The following SMAD1 variants were observed in gnomAD, a reference collection of about 807,000 sequenced individuals.
The protein encoded by SMAD1 is MAD, mothers against decapentaplegic homolog 1.
Under a neutral mutation model 41.6 loss-of-function variants are expected in SMAD1, and 6 were observed. The observed-to-expected ratio is 0.14, with a 90% confidence interval of 0.08 to 0.28. The LOEUF (loss-of-function observed/expected upper bound fraction) is 0.28, where lower values mean the gene tolerates loss of function less well. SMAD1 is among the 10% of genes least tolerant of loss of function. The pLI is 1.00. For synonymous variants in SMAD1, 206 were observed against 203.2 expected (o/e 1.01, Z -0.12); for missense variants, 379 against 582.6 (o/e 0.65, Z 3.60).
chr4:145,491,204 T>C (rs994642561), intron 1 of SMAD1, among the ~76,000 whole-genome samples: 1 of 152,200 alleles, frequency 6.6e-6, no homozygotes, highest in Admixed American at 6.5e-5. Flanking sequence ...GAAAGACTTA[T>C]ATCAATAGGA....
chr4:145,490,199 G>A (rs1390539891), intron 1 of SMAD1, among the ~76,000 whole-genome samples: 2 of 152,080 alleles, frequency 1.3e-5, no homozygotes, highest in African/African-American at 4.8e-5. Flanking sequence ...GCAATTGGAG[G>A]TGATGGAGTT....
rs534730208 is a variant in SMAD1, at chr4:145,491,825, G to A, written c.-177+9787G>A. Among the ~76,000 whole-genome samples the A allele has an allele frequency of 2.6e-5, 4 of 152,236 alleles. No individual in the cohort carries two copies. In the South Asian group the frequency reaches 8.3e-4, roughly 32 times the overall value. On this transcript the variant is annotated intron_variant, in intron 1 of 6. Transcript: ENST00000302085. ...CTTGAAGACACCAGTGCTTCCTAGAGCATATTGAAATAGGCCCCTTTCTCT... is the reference window on the plus strand; with the variant it reads ...CTTGAAGACACCAGTGCTTCCTAGAACATATTGAAATAGGCCCCTTTCTCT...
At chr4:145,542,475 G>C in intron 3 of SMAD1, 107 bp from the exon 4 acceptor site, 2 of 622,670 alleles carry the variant, frequency 3.2e-6, no homozygotes, top group Non-Finnish European at 2.7e-6. Context: ...TGGGGAGATT[G>C]AAATGACAAC....
chr4:145,498,126 A>G (rs1347933131), intron 1 of SMAD1: 5 of 152,250 alleles, frequency 3.3e-5, no homozygotes, highest in Non-Finnish European at 5.9e-5. Context: ...AACATAGAAC[A>G]TTTTTATTTT....
intron 1 of SMAD1, among the ~76,000 whole-genome samples, chr4:145,487,646 AAAAGG>A (rs1728546578): frequency 1.3e-5 from 2 of 152,210 alleles, no homozygotes; most frequent in Non-Finnish European, 2.9e-5. Flanking sequence ...CTTTAAAAAG[AAAAGG>A]AAAGAGAAGA....
intron 1 of SMAD1, among the ~76,000 whole-genome samples, chr4:145,500,621 T>G (rs1374415061): frequency 6.6e-6 from 1 of 152,116 alleles, no homozygotes; most frequent in Non-Finnish European, 1.5e-5. Flanking sequence ...GAAAAACTTT[T>G]TGTGTCTCTT....
intron 2 of SMAD1, among the ~76,000 whole-genome samples, chr4:145,527,872 T>C (rs1054386185): frequency 3.3e-5 from 5 of 151,870 alleles, no homozygotes; most frequent in Non-Finnish European, 5.9e-5. Context: ...AATTTTTTTT[T>C]TTTTTCGAGA....
chr4:145,514,915 A>G lies in SMAD1; in HGVS notation c.302A>G (p.His101Arg). 1.2e-6 allele frequency: 2 copies of G among 1,614,054 alleles called. No homozygotes were observed. Among genetic ancestry groups the G allele is most frequent in the Non-Finnish European group, 1.7e-6 (2 of 1,180,010 alleles). The stretch of plus-strand genomic sequence containing the variant: ...CGCTGGCCCGATCTTCAGAGCCACC[A>G]TGAACTAAAACCACTGGAATGCTGT... ...VWRWPDLQSH[H>R]ELKPLECCEF... The change falls in exon 2 of 7, where the codon CAT becomes CGT. Residue 101 changes from histidine to arginine, a missense_variant. By Grantham distance (29) the His-to-Arg change is conservative. Coordinates refer to ENST00000302085, the MANE Select transcript of SMAD1 (RefSeq NM_005900.3). The surrounding 1 kb of genome is among the most constrained non-coding windows in gnomAD (Gnocchi z 4.7).
At chr4:145,547,660 A>G (rs1388840355) in intron 5 of SMAD1, among the ~76,000 whole-genome samples, 1 of 152,240 alleles carries the variant, frequency 6.6e-6, no homozygotes, top group East Asian at 1.9e-4. Flanking sequence ...GATGAAGCAA[A>G]TGACTAAATG....
intron 4 of SMAD1, chr4:145,544,127 T>C (rs540792958): frequency 9.9e-5 from 15 of 152,006 alleles, no homozygotes; most frequent in South Asian, 4.2e-4. Context: ...GTAGGATGAA[T>C]GTCGGTTCAT....
chr4:145,507,874 T>C (rs1729875640), intron 1 of SMAD1, among the ~76,000 whole-genome samples: 1 of 152,116 alleles, frequency 6.6e-6, no homozygotes, highest in African/African-American at 2.4e-5. Context: ...CTCATTTGAG[T>C]TCCTTATATG....
Position 145,514,637 on chromosome 4 carries a change from C to A in SMAD1, c.24C>A (p.Ser8=). ...TTATGAATGTGACAAGTTTATTTTC[C>A]TTTACAAGTCCAGCTGTGAAGAGAC... MNVTSLF[S]FTSPAVKRLL... is the part of the protein sequence containing the mutation. The change falls in exon 2 of 7, where the codon TCC becomes TCA. Residue 8 remains serine, a synonymous_variant. Transcript: ENST00000302085. The surrounding 1 kb of genome is among the most constrained non-coding windows in gnomAD (Gnocchi z 4.7). 6.2e-7 allele frequency: 1 copy of A among 1,607,880 alleles called. No individual in the cohort carries two copies. The highest frequency in any genetic ancestry group is 8.5e-7 in the Non-Finnish European group (1 of 1,178,102).
At chr4:145,540,351 C>T (rs1428085674) in intron 3 of SMAD1, among the ~76,000 whole-genome samples, 1 of 152,234 alleles carries the variant, frequency 6.6e-6, no homozygotes, top group Non-Finnish European at 1.5e-5. Context: ...ATAATTGTTA[C>T]AGTCTTTACT....
At chr4:145,496,577 C>T (rs944219347) in intron 1 of SMAD1, among the ~76,000 whole-genome samples, 5 of 151,954 alleles carry the variant, frequency 3.3e-5, no homozygotes, top group East Asian at 1.9e-4. Context: ...TTTTTCTCAA[C>T]CAAAAGTGGA....
intron 1 of SMAD1, among the ~76,000 whole-genome samples, chr4:145,501,292 T>C (rs1034601003): frequency 6.6e-6 from 1 of 152,198 alleles, no homozygotes; most frequent in African/African-American, 2.4e-5. Context: ...TTTCAAGTGA[T>C]AAAAAGAAAT....
chr4:145,529,718 A>G (rs1731221001), intron 2 of SMAD1, among the ~76,000 whole-genome samples: 1 of 152,174 alleles, frequency 6.6e-6, no homozygotes, highest in Non-Finnish European at 1.5e-5. Flanking sequence ...AGTGAAAGGG[A>G]TGATCTCTAG....
chr4:145,524,271 T>C (rs1730912619), intron 2 of SMAD1, among the ~76,000 whole-genome samples: 1 of 152,228 alleles, frequency 6.6e-6, no homozygotes, highest in Non-Finnish European at 1.5e-5. Flanking sequence ...CCCAGATCTT[T>C]TAGTGGATTC....
chr4:145,488,886 G>A (rs115093283), intron 1 of SMAD1, among the ~76,000 whole-genome samples: 37 of 152,324 alleles, frequency 2.4e-4, no homozygotes, highest in African/African-American at 8.4e-4. Context: ...GGTAGTATAG[G>A]AGTAAATTGT....
In SMAD1 at chr4:145,518,870, A is replaced by G. The variant is rs1253542265; in HGVS notation, c.400+3857A>G. Among the ~76,000 whole-genome samples the G allele has an allele frequency of 2.4e-5, 3 of 125,566 alleles. 1 individual carries two copies. Among genetic ancestry groups the G allele is most frequent in the Non-Finnish European group, 5.9e-5 (3 of 51,100 alleles). The allele number at this position is 125,566 out of a possible 152,430, so 82.4% of individuals were successfully genotyped here. On this transcript the variant is annotated intron_variant, in intron 2 of 6. Coordinates refer to ENST00000302085, the MANE Select transcript of SMAD1 (RefSeq NM_005900.3). ...CATCAGTACCACCTTGGAACTTGTT[A>G]GAAAAGCTAATTATTATTTTTAAAT...
Sources: allele counts gnomAD v4.1 joint callset (sites outside exome capture counted in the v4.1 genomes callset), GRCh38; gene constraint gnomAD v4.1.1; non-coding constraint Gnocchi (gnomAD v3.1); transcripts MANE v1.5; gene names NCBI Gene and HGNC (gene_info 2026-07-23, HGNC 2026-07-21).